Variants in ALDH2 observed in about 807,000 individuals in gnomAD.
The protein encoded by ALDH2 is aldehyde dehydrogenase, mitochondrial.
Under a neutral mutation model 59.6 loss-of-function variants are expected in ALDH2, and 44 were observed. That is an observed-to-expected ratio of 0.74 (90% confidence interval 0.58 to 0.95). The LOEUF (loss-of-function observed/expected upper bound fraction) is 0.95. Among genes scored for constraint, ALDH2 ranks in the 40% least tolerant of loss-of-function variants. The pLI is 0.00. For missense variants in ALDH2, 570 were observed against 696.3 expected (o/e 0.82, Z 2.04); for synonymous variants, 291 against 284.0 (o/e 1.02, Z -0.25).
chr12:111,785,452 G>A (rs538970340), intron 4 of ALDH2, 106 bp downstream of exon 4: 16 of 951,620 alleles, frequency 1.7e-5, no homozygotes, highest in Admixed American at 1.4e-4. Context: ...GGCAGAGCGC[G>A]GTATCTCATG....
intron 9 of ALDH2, among the ~76,000 whole-genome samples, chr12:111,797,530 G>A (rs1593083512): frequency 6.6e-6 from 1 of 152,066 alleles, no homozygotes; most frequent in South Asian, 2.1e-4. Flanking sequence ...GAGCATGAGA[G>A]GCAGAGGTTA....
intron 1 of ALDH2, among the ~76,000 whole-genome samples, chr12:111,781,071 T>C (rs1430606594): frequency 6.6e-6 from 1 of 151,990 alleles, no homozygotes; most frequent in African/African-American, 2.4e-5. Context: ...ATCACGCCAC[T>C]GCACTCCAGC....
intron 1 of ALDH2, among the ~76,000 whole-genome samples, chr12:111,769,934 A>T (rs1391266249): frequency 6.6e-6 from 1 of 152,232 alleles, no homozygotes; most frequent in Middle Eastern, 3.4e-3. Context: ...TCACGAGGTC[A>T]GGAGTTCGAG....
intron 1 of ALDH2, 63 bp downstream of exon 1, chr12:111,767,159 A>G: frequency 1.5e-6 from 2 of 1,323,940 alleles, no homozygotes; most frequent in Non-Finnish European, 2.0e-6. Context: ...GGCCCCTAGG[A>G]AGGCCCCGCG....
intron 9 of ALDH2, among the ~76,000 whole-genome samples, chr12:111,797,531 G>T (rs2068414686): frequency 6.6e-6 from 1 of 151,836 alleles, no homozygotes; most frequent in Non-Finnish European, 1.5e-5. Context: ...AGCATGAGAG[G>T]CAGAGGTTAC....
intron 1 of ALDH2, 144 bp from the exon 2 acceptor site, chr12:111,781,774 A>G (rs2068273471): frequency 1.7e-6 from 1 of 604,104 alleles, no homozygotes; most frequent in Non-Finnish European, 2.9e-6. Context: ...ATTGTCTGCA[A>G]GGCCTGTGCT....
At chr12:111,778,476 C>T (rs1389678242) in intron 1 of ALDH2, among the ~76,000 whole-genome samples, 2 of 149,864 alleles carry the variant, frequency 1.3e-5, no homozygotes, top group Non-Finnish European at 3.0e-5. Context: ...ACCTGAAAGG[C>T]GGAGGTTGCA....
chr12:111,791,301 C>T lies in ALDH2; in HGVS notation c.682-5C>T, dbSNP rs1418874771. The T allele has an allele frequency of 5.0e-6, 8 of 1,612,076 alleles. No homozygotes were observed. The highest frequency in any genetic ancestry group is 1.7e-5 in the Admixed American group (1 of 59,898). On this transcript the variant is annotated splice_region_variant and splice_polypyrimidine_tract_variant and intron_variant, in intron 6 of 12. Coordinates refer to ENST00000261733, the MANE Select transcript of ALDH2 (RefSeq NM_000690.4). ...TCCCAATGTCCCCTGGCTGTTTGCT[C>T]ACAGGCTGGCTTTCCCCCTGGTGTG...
At chr12:111,807,731 G>A (rs1280085294) in intron 12 of ALDH2, among the ~76,000 whole-genome samples, 1 of 152,194 alleles carries the variant, frequency 6.6e-6, no homozygotes, top group Non-Finnish European at 1.5e-5. Flanking sequence ...GTTGCTGGTG[G>A]TGGAAGATGT....
intron 9 of ALDH2, among the ~76,000 whole-genome samples, chr12:111,797,494 G>A (rs959293864): frequency 2.0e-5 from 3 of 152,166 alleles, no homozygotes; most frequent in Admixed American, 6.6e-5. Context: ...CCAGCTACTC[G>A]GGAGGCTGAG....
At chr12:111,805,323 G>A (rs1017213721) in intron 12 of ALDH2, among the ~76,000 whole-genome samples, 1 of 152,130 alleles carries the variant, frequency 6.6e-6, no homozygotes, top group African/African-American at 2.4e-5. Context: ...TTTGAAGCTA[G>A]CCTGGAAAAT....
chr12:111,778,706 C>A (rs1420074130), intron 1 of ALDH2, among the ~76,000 whole-genome samples: 1 of 151,820 alleles, frequency 6.6e-6, no homozygotes, highest in Non-Finnish European at 1.5e-5. Flanking sequence ...TGGTGGCAGG[C>A]GCCTATAGTC....
rs890428509 is a variant in ALDH2, at chr12:111,773,317, C to G, written c.114+6221C>G. Among the ~76,000 whole-genome samples the G allele has an allele frequency of 2.6e-5, 4 of 152,278 alleles. No individual in the cohort carries two copies. In the East Asian group the frequency reaches 7.7e-4, roughly 29 times the overall value. ...TGGGCATTCAATACTTCCTGCCTGC[C>G]CAGAATCTGTGGGACACACTTGAGT... On this transcript the variant is annotated intron_variant, in intron 1 of 12. Transcript: ENST00000261733.
chr12:111,794,266 C>G (rs1448345770), intron 9 of ALDH2, among the ~76,000 whole-genome samples: 2 of 152,150 alleles, frequency 1.3e-5, no homozygotes, highest in East Asian at 3.8e-4. Flanking sequence ...GATCCACCCA[C>G]CTCAGCCTTC....
chr12:111,816,215 A>G lies in ALDH2; in HGVS notation c.*6640A>G, dbSNP rs2068569017. The G allele has an allele frequency of 6.6e-6, 1 of 152,156 alleles. No individual in the cohort carries two copies. The highest frequency in any genetic ancestry group is 2.1e-4 in the South Asian group (1 of 4,822). The allele number at this position is 152,156 out of a possible 1,614,324, so 9.4% of individuals were successfully genotyped here. A position where few individuals can be genotyped will look rare whatever the true frequency, so the allele number is the denominator to read the frequency against. On this transcript the variant is annotated 3_prime_UTR_variant, in exon 13 of 13. Coordinates refer to ENST00000261733, the MANE Select transcript of ALDH2 (RefSeq NM_000690.4). ...CAAAAGGGGACGAACACAGCAATAA[A>G]GATAAAGACCAAAGAGTATATTTGG...
rs774238705 is a variant in ALDH2, at chr12:111,782,014, G to A, written c.211G>A (p.Gly71Arg). Residue 71 changes from glycine to arginine, a missense_variant, in exon 2 of 13, where the codon GGG (glycine) becomes AGG (arginine). Gly to Arg is a moderately radical substitution (Grantham distance 125). Transcript: ENST00000261733. ...AGAGGTCATCTGTCAGGTAGCTGAA[G>A]GGGACAAGGTGAGAACTGGTGACTT... ...TGEVICQVAE[G>R]DKEDVDKAVK... 1 of 1,613,540 alleles carries A rather than the reference G, an allele frequency of 6.2e-7. No homozygotes were observed. The highest frequency in any genetic ancestry group is 1.7e-5 in the Admixed American group (1 of 60,004).
chr12:111,789,502 AAAG>A (rs2068339258), intron 4 of ALDH2, among the ~76,000 whole-genome samples: 1 of 150,228 alleles, frequency 6.7e-6, no homozygotes, highest in African/African-American at 2.5e-5. Context: ...AAAAAAAAAA[AAAG>A]AAAAGAAAAG....
chr12:111,773,576 G>T (rs557653692), intron 1 of ALDH2, among the ~76,000 whole-genome samples: 25 of 152,324 alleles, frequency 1.6e-4, no homozygotes, highest in African/African-American at 6.0e-4. Flanking sequence ...AGGAAACTGA[G>T]GCTCAGGGAG....
intron 1 of ALDH2, among the ~76,000 whole-genome samples, chr12:111,771,670 A>G (rs1183636862): frequency 6.6e-6 from 1 of 152,250 alleles, no homozygotes; most frequent in Admixed American, 6.5e-5. Context: ...AGATAGACAG[A>G]TCTCCATAAA....
Sources: allele counts gnomAD v4.1 joint callset (sites outside exome capture counted in the v4.1 genomes callset), GRCh38; gene constraint gnomAD v4.1.1; transcripts MANE v1.5; gene names NCBI Gene and HGNC (gene_info 2026-07-23, HGNC 2026-07-21).